ARPP21: variants seen among roughly 807,000 people sequenced by gnomAD.
ARPP21 encodes cAMP regulated phosphoprotein 21.
Under a neutral mutation model 113.2 loss-of-function variants are expected in ARPP21, and 69 were observed. That is an observed-to-expected ratio of 0.61 (90% confidence interval 0.50 to 0.74). The LOEUF (loss-of-function observed/expected upper bound fraction) is 0.74, where lower values mean the gene tolerates loss of function less well. Among genes scored for constraint, ARPP21 ranks in the 30% least tolerant of loss-of-function variants. The pLI, the probability that ARPP21 is intolerant of heterozygous loss-of-function variation, is 0.00. For synonymous variants in ARPP21, 368 were observed against 375.5 expected (o/e 0.98, Z 0.23); for missense variants, 1,070 against 1,037.4 (o/e 1.03, Z -0.43).
chr3:35,699,367 G>T (rs1348239648), intron 9 of ARPP21, among the ~76,000 whole-genome samples: 1 of 151,612 alleles, frequency 6.6e-6, no homozygotes, highest in Non-Finnish European at 1.5e-5. Context: ...GGCTGACAGT[G>T]ATTTTAGCAC....
chr3:35,666,184 C>T lies in ARPP21; in HGVS notation c.-212-13603C>T, dbSNP rs559441449. Among the ~76,000 whole-genome samples, 59 of 152,076 alleles carry T rather than the reference C, an allele frequency of 3.9e-4. No individual in the cohort carries two copies. In the South Asian group the frequency reaches 5.2e-3, roughly 13 times the overall value. ...TATACACCCTTCCCTGAATCTAAAC[C>T]TACCAAGCAGAAGGGAATTTAATTT... On this transcript the variant is annotated intron_variant, in intron 1 of 20. Coordinates refer to ENST00000684406, the MANE Select transcript of ARPP21 (RefSeq NM_001385562.1).
chr3:35,745,859 C>G (rs967168544), intron 19 of ARPP21, among the ~76,000 whole-genome samples: 1 of 152,164 alleles, frequency 6.6e-6, no homozygotes, highest in Non-Finnish European at 1.5e-5. Context: ...CCATGGCAAC[C>G]TGGTAGCTTT....
At chr3:35,792,202 T>A in intron 19 of ARPP21, 180 bp from the exon 20 acceptor site, 1 of 623,482 alleles carries the variant, frequency 1.6e-6, no homozygotes, top group South Asian at 2.1e-5. Flanking sequence ...ATAATCTTGT[T>A]CACTCTTAGA....
chr3:35,705,138 T>C (rs144342828), intron 9 of ARPP21, among the ~76,000 whole-genome samples: 94 of 152,236 alleles, frequency 6.2e-4, no homozygotes, highest in Admixed American at 5.8e-3. Flanking sequence ...CAAAATAGCA[T>C]TGATACAATC....
intron 19 of ARPP21, among the ~76,000 whole-genome samples, chr3:35,766,154 C>T (rs1298033317): frequency 6.6e-6 from 1 of 152,166 alleles, no homozygotes; most frequent in Non-Finnish European, 1.5e-5. Context: ...TTAAATGCTA[C>T]TCACATGCAA....
At chr3:35,645,894 T>C (rs1182046551) in intron 1 of ARPP21, among the ~76,000 whole-genome samples, 1 of 152,022 alleles carries the variant, frequency 6.6e-6, no homozygotes, top group Non-Finnish European at 1.5e-5. Context: ...CATGTTGATA[T>C]ATTTTGGTCT....
At position 35,639,577 on chromosome 3, in the gene ARPP21, C is replaced by G. The variant is rs1697481870; in HGVS notation, c.-1034C>G. The G allele has an allele frequency of 6.5e-6, 1 of 152,910 alleles. No homozygotes were observed. Among genetic ancestry groups the G allele is most frequent in the Admixed American group, 6.5e-5 (1 of 15,308 alleles). 9.5% of individuals were successfully genotyped at this position (152,910 alleles called of 1,614,324 possible). On this transcript the variant is annotated 5_prime_UTR_variant, in exon 1 of 21. Transcript: ENST00000684406. This position sits in a 1 kb window ranked among gnomAD's most constrained non-coding sequence, Gnocchi z 5.0. Reference sequence around the variant, plus strand: ...AACGGGACCGAGGGATCGACCGAGGCTGGCTGGCTAGGGGTGGGACTGGCA... The same window carrying G: ...AACGGGACCGAGGGATCGACCGAGGGTGGCTGGCTAGGGGTGGGACTGGCA...
rs550499033 is a variant in ARPP21 at position 35,739,430 on chromosome 3, G to A, written c.1863G>A (p.Pro621=). The change falls in exon 18 of 21, where the codon CCG becomes CCA. Residue 621 remains proline (P), a synonymous_variant. Coordinates refer to ENST00000684406, the MANE Select transcript of ARPP21 (RefSeq NM_001385562.1). ...ACCCATCCTCCCTTATGCCACAGCC[G>A]GCCCAGCAGCCCAGCTATGTAATCG... ...PVYPSSLMPQ[P]AQQPSYVIAS... is the part of the protein sequence containing the mutation. 1.4e-5 allele frequency: 22 copies of A among 1,614,092 alleles called. No homozygotes were observed. The highest frequency in any genetic ancestry group is 2.7e-5 in the African/African-American group (2 of 75,000).
intron 8 of ARPP21, 110 bp from the exon 9 acceptor site, chr3:35,690,755 G>A (rs962803318): frequency 9.0e-6 from 9 of 1,005,172 alleles, no homozygotes; most frequent in Non-Finnish European, 1.3e-5. Flanking sequence ...AATGCAATAG[G>A]CTTAGTGGTT....
intron 1 of ARPP21, among the ~76,000 whole-genome samples, chr3:35,650,671 G>T (rs9311103): frequency 0.7 from 105,699 of 151,710 alleles, 36,933 homozygotes; most frequent in South Asian, 0.77. Context: ...CTGTTGGTGG[G>T]AATAGGCCAC....
At chr3:35,710,245 G>T (rs2150059196) in intron 11 of ARPP21, among the ~76,000 whole-genome samples, 1 of 152,198 alleles carries the variant, frequency 6.6e-6, no homozygotes, top group South Asian at 2.1e-4. Flanking sequence ...TTGGAGGTCT[G>T]GATGCAATTT....
intron 1 of ARPP21, among the ~76,000 whole-genome samples, chr3:35,658,153 T>C (rs1247265062): frequency 1.3e-5 from 2 of 152,086 alleles, no homozygotes. Flanking sequence ...ATTCCCTTCT[T>C]GGTGAACACA....
intron 11 of ARPP21, among the ~76,000 whole-genome samples, chr3:35,714,332 C>T (rs1271490056): frequency 6.6e-6 from 1 of 152,140 alleles, no homozygotes; most frequent in Non-Finnish European, 1.5e-5. Context: ...ATTTCTCTAA[C>T]AAAATGAACA....
intron 1 of ARPP21, among the ~76,000 whole-genome samples, chr3:35,658,620 A>T (rs1344227957): frequency 6.6e-6 from 1 of 152,140 alleles, no homozygotes; most frequent in Non-Finnish European, 1.5e-5. Context: ...CATACCCATA[A>T]GCCTTGTGAG....
At chr3:35,692,432 G>A (rs1463148306) in intron 9 of ARPP21, among the ~76,000 whole-genome samples, 1 of 151,428 alleles carries the variant, frequency 6.6e-6, no homozygotes, top group Admixed American at 6.6e-5. Flanking sequence ...ATATCATCAT[G>A]CAGGGACATG....
chr3:35,734,427 G>A (rs2150598281), intron 15 of ARPP21, among the ~76,000 whole-genome samples: 1 of 152,224 alleles, frequency 6.6e-6, no homozygotes, highest in Non-Finnish European at 1.5e-5. Flanking sequence ...CTACGTGATA[G>A]GAAAACAAGT....
chr3:35,688,175 C>A (rs1303721689), intron 6 of ARPP21, among the ~76,000 whole-genome samples: 4 of 151,278 alleles, frequency 2.6e-5, no homozygotes. Context: ...ATAAATCTGC[C>A]CTAAATTTAG....
rs1430341292 is a variant in ARPP21 at position 35,738,310 on chromosome 3, T to C, written c.1741T>C (p.Phe581Leu). The change falls in exon 17 of 21, where the codon TTT (phenylalanine) becomes CTT (leucine). Residue 581 changes from phenylalanine to leucine, a missense_variant. By Grantham distance (22) the Phe-to-Leu change is conservative. Coordinates refer to ENST00000684406, the MANE Select transcript of ARPP21 (RefSeq NM_001385562.1). Reference protein sequence around the residue: ...HLLPVSPTQHFPMRDDVATQF... With the variant: ...HLLPVSPTQHLPMRDDVATQF... ...CCTACCTGTGTCTCCAACGCAGCAC[T>C]TTCCCATGGTACTGTATTATGTGTA... 5 of 1,527,608 alleles carry C rather than the reference T, an allele frequency of 3.3e-6. No homozygotes were observed. The African/African-American group carries it at 6.9e-5, about 21-fold the overall frequency. The allele number at this position is 1,527,608 out of a possible 1,614,324, so 94.6% of individuals were successfully genotyped here.
chr3:35,700,137 T>G (rs1020789619), intron 9 of ARPP21, among the ~76,000 whole-genome samples: 1 of 151,798 alleles, frequency 6.6e-6, no homozygotes, highest in African/African-American at 2.4e-5. Flanking sequence ...ATTGTGCATG[T>G]ACGTAATCCT....
Sources: allele counts gnomAD v4.1 joint callset (sites outside exome capture counted in the v4.1 genomes callset), GRCh38; gene constraint gnomAD v4.1.1; non-coding constraint Gnocchi (gnomAD v3.1); transcripts MANE v1.5; gene names NCBI Gene and HGNC (gene_info 2026-07-23, HGNC 2026-07-21).